ADAMTS2: variants seen among roughly 807,000 people sequenced by gnomAD.
The protein encoded by ADAMTS2 is ADAM metallopeptidase with thrombospondin type 1 motif 2, also known as A disintegrin and metalloproteinase with thrombospondin motifs 2.
In ADAMTS2, 50 loss-of-function variants were observed where a neutral mutation model predicts 123.0. That is an observed-to-expected ratio of 0.41 (90% confidence interval 0.32 to 0.51). The LOEUF is 0.51. ADAMTS2 is among the 20% of genes least tolerant of loss of function. The pLI is 0.35. For synonymous variants in ADAMTS2, 678 were observed against 695.4 expected (o/e 0.98, Z 0.39); for missense variants, 1,494 against 1,705.2 (o/e 0.88, Z 2.18).
At chr5:179,337,496 T>C (rs532289303) in intron 2 of ADAMTS2, among the ~76,000 whole-genome samples, 11 of 151,892 alleles carry the variant, frequency 7.2e-5, no homozygotes, top group Middle Eastern at 3.4e-3. Context: ...ATGCACACAC[T>C]CCCGCCATGC....
chr5:179,285,324 G>A lies in ADAMTS2; in HGVS notation c.535-12260C>T, dbSNP rs184758917. ...AGAGCACAGAGAGAAAGATAAGGGG[G>A]AAAATGGAATAAACAAGATGCCGAC... On this transcript the variant is annotated intron_variant, in intron 2 of 21. Coordinates refer to ENST00000251582, the MANE Select transcript of ADAMTS2 (RefSeq NM_014244.5). This position sits in a 1 kb window ranked among gnomAD's most constrained non-coding sequence, Gnocchi z 4.9. Among the ~76,000 whole-genome samples the A allele has an allele frequency of 3.4e-3, 525 of 152,360 alleles. No homozygotes were observed. The highest frequency in any genetic ancestry group is 5.5e-3 in the Non-Finnish European group (376 of 68,038).
In ADAMTS2 at chr5:179,189,410, T is replaced by G. The variant is rs1764248642; in HGVS notation, c.892-8255A>C. On this transcript the variant is annotated intron_variant, in intron 4 of 21. Transcript: ENST00000251582. The surrounding 1 kb of genome is among the most constrained non-coding windows in gnomAD (Gnocchi z 4.2). ...TTGCCCAGGTTGGAGTGCAGTGGCA[T>G]GATCTCAGCTCACTGCCAGCTCCAC... Among the ~76,000 whole-genome samples the G allele has an allele frequency of 6.6e-6, 1 of 150,682 alleles. No homozygotes were observed. Among genetic ancestry groups the G allele is most frequent in the Non-Finnish European group, 1.5e-5 (1 of 67,820 alleles).
rs1283464959 is a variant in ADAMTS2 at position 179,122,787 on chromosome 5, G to A, written c.2959-14C>T. 1 of 1,553,982 alleles carries A rather than the reference G, an allele frequency of 6.4e-7. No homozygotes were observed. The highest frequency in any genetic ancestry group is 1.9e-5 in the Admixed American group (1 of 51,446). ...GGTTACTGAGCACTGCAGGGGGAGAGTCGCCAGGCAGGGTTCACCTCCCAC... is the reference window on the plus strand; with the variant it reads ...GGTTACTGAGCACTGCAGGGGGAGAATCGCCAGGCAGGGTTCACCTCCCAC... On this transcript the variant is annotated splice_polypyrimidine_tract_variant and intron_variant, in intron 19 of 21. Transcript: ENST00000251582.
intron 3 of ADAMTS2, among the ~76,000 whole-genome samples, chr5:179,217,931 G>A (rs990881522): frequency 4.0e-5 from 6 of 151,358 alleles, no homozygotes; most frequent in African/African-American, 1.5e-4. Context: ...CACTCACTGA[G>A]GCACCTGCAC....
chr5:179,134,003 C>A (rs1471610690), intron 13 of ADAMTS2, among the ~76,000 whole-genome samples: 1 of 152,086 alleles, frequency 6.6e-6, no homozygotes, highest in Non-Finnish European at 1.5e-5. Flanking sequence ...TGAGCCACCA[C>A]GCCCAGCCCC....
At chr5:179,245,823 A>G (rs995127631) in intron 3 of ADAMTS2, among the ~76,000 whole-genome samples, 11 of 148,932 alleles carry the variant, frequency 7.4e-5, no homozygotes, top group Non-Finnish European at 1.3e-4. Flanking sequence ...GGGGTGGAAG[A>G]ATAGAGCTAT....
chr5:179,131,385 CAAAAT>C lies in ADAMTS2; in HGVS notation c.2290+840_2290+844del, dbSNP rs1244703629. ...GTGAGATCCTGTCTCTAAATAAAAACAAAATAAAATAAAACAAAAGGGAGATAAAA... is the reference window on the plus strand; with the variant it reads ...GTGAGATCCTGTCTCTAAATAAAAACAAAATAAAACAAAAGGGAGATAAAA... On this transcript the variant is annotated intron_variant, in intron 15 of 21. Coordinates refer to ENST00000251582, the MANE Select transcript of ADAMTS2 (RefSeq NM_014244.5). Among the ~76,000 whole-genome samples the C allele has an allele frequency of 2.4e-5, 3 of 125,100 alleles. No homozygotes were observed. In the East Asian group the frequency reaches 7.2e-4, roughly 30 times the overall value. 82.1% of individuals were successfully genotyped at this position (125,100 alleles called of 152,430 possible).
chr5:179,335,946 G>T (rs1757601312), intron 2 of ADAMTS2, among the ~76,000 whole-genome samples: 1 of 152,214 alleles, frequency 6.6e-6, no homozygotes, highest in African/African-American at 2.4e-5. Flanking sequence ...TCGTTTAGGG[G>T]TTTTCAAAGG....
rs1396782406 is a variant in ADAMTS2, at chr5:179,314,860, T to C, written c.534+28907A>G. Among the ~76,000 whole-genome samples the C allele has an allele frequency of 6.6e-6, 1 of 152,080 alleles. No homozygotes were observed. Among genetic ancestry groups the C allele is most frequent in the Non-Finnish European group, 1.5e-5 (1 of 68,004 alleles). On this transcript the variant is annotated intron_variant, in intron 2 of 21. Transcript: ENST00000251582. This position sits in a 1 kb window ranked among gnomAD's most constrained non-coding sequence, Gnocchi z 4.5. Reference sequence around the variant, plus strand: ...GCCCAACCAAGAGCTGCAAGGGACATAGGAATGTCCCTTAGCATGGCCCGG... The same window carrying C: ...GCCCAACCAAGAGCTGCAAGGGACACAGGAATGTCCCTTAGCATGGCCCGG...
intron 5 of ADAMTS2, among the ~76,000 whole-genome samples, chr5:179,177,953 ATTC>A (rs960153935): frequency 1.3e-5 from 2 of 152,292 alleles, no homozygotes; most frequent in Admixed American, 6.5e-5. Flanking sequence ...CAATTACAAA[ATTC>A]TTCTTTTTAA....
In ADAMTS2 at chr5:179,332,997, C is replaced by G. The variant is rs1008128354; in HGVS notation, c.534+10770G>C. Among the ~76,000 whole-genome samples the G allele has an allele frequency of 2.6e-5, 4 of 152,192 alleles. No homozygotes were observed. Among genetic ancestry groups the G allele is most frequent in the African/African-American group, 4.8e-5 (2 of 41,460 alleles). On this transcript the variant is annotated intron_variant, in intron 2 of 21. Transcript: ENST00000251582. The surrounding 1 kb of genome is among the most constrained non-coding windows in gnomAD (Gnocchi z 4.2). ...CTCACCCCCTTATCCTGCCCGCTTGCCTGTGAGGACCCCTCCCTACTGTGT... is the reference window on the plus strand; with the variant it reads ...CTCACCCCCTTATCCTGCCCGCTTGGCTGTGAGGACCCCTCCCTACTGTGT...
rs1764012193 is a variant in ADAMTS2, at chr5:179,180,096, C to T, written c.975+976G>A. On this transcript the variant is annotated intron_variant, in intron 5 of 21. Transcript: ENST00000251582. The surrounding 1 kb of genome is among the most constrained non-coding windows in gnomAD (Gnocchi z 4.6). ...GTGAAATGGGCAGAGTCACAGTGTGCACCCCTCCATCTGCCCTGTAGATTA... is the reference window on the plus strand; with the variant it reads ...GTGAAATGGGCAGAGTCACAGTGTGTACCCCTCCATCTGCCCTGTAGATTA... Among the ~76,000 whole-genome samples, 1 of 152,286 alleles carries T rather than the reference C, an allele frequency of 6.6e-6. No homozygotes were observed. Among genetic ancestry groups the T allele is most frequent in the African/African-American group, 2.4e-5 (1 of 41,546 alleles).
At chr5:179,239,242 A>G (rs1765604448) in intron 3 of ADAMTS2, among the ~76,000 whole-genome samples, 1 of 152,098 alleles carries the variant, frequency 6.6e-6, no homozygotes, top group African/African-American at 2.4e-5. Flanking sequence ...AACCGTGGAG[A>G]TGGTGAGAAG....
At chr5:179,177,349 G>C (rs1052203558) in intron 5 of ADAMTS2, among the ~76,000 whole-genome samples, 1 of 152,172 alleles carries the variant, frequency 6.6e-6, no homozygotes, top group African/African-American at 2.4e-5. Context: ...ATTTTTAGAA[G>C]TGAGACAGGT....
At chr5:179,135,090 C>T (rs187268861) in intron 13 of ADAMTS2, among the ~76,000 whole-genome samples, 10 of 66,036 alleles carry the variant, frequency 1.5e-4, no homozygotes, top group African/African-American at 1.7e-4. Context: ...CGGCTCCAGC[C>T]CCCAGCTCCC....
In ADAMTS2 at chr5:179,162,902, T is replaced by A. The variant is rs1022630810; in HGVS notation, c.976-4023A>T. Among the ~76,000 whole-genome samples the A allele has an allele frequency of 6.6e-6, 1 of 152,160 alleles. No homozygotes were observed. The highest frequency in any genetic ancestry group is 2.4e-5 in the African/African-American group (1 of 41,442). On this transcript the variant is annotated intron_variant, in intron 5 of 21. Transcript: ENST00000251582. This position sits in a 1 kb window ranked among gnomAD's most constrained non-coding sequence, Gnocchi z 5.1. ...ACCACAGGGACCCCAGTCAGGACACTCGCTGGCCCATGAAAGATGGCGTCT... is the reference window on the plus strand; with the variant it reads ...ACCACAGGGACCCCAGTCAGGACACACGCTGGCCCATGAAAGATGGCGTCT...
Position 179,278,247 on chromosome 5 carries a change from C to CG in ADAMTS2, c.535-5184dup, listed in dbSNP as rs1389362315. On this transcript the variant is annotated intron_variant, in intron 2 of 21. Coordinates refer to ENST00000251582, the MANE Select transcript of ADAMTS2 (RefSeq NM_014244.5). ...CCGCTGGCCAGAATAATGCTCGGGG[C>CG]GGGGGGCACTTCACGGAAGAAGTGG... 2.0e-5 allele frequency among the ~76,000 whole-genome samples: 3 copies of CG among 148,608 alleles called. No individual in the cohort carries two copies. In the East Asian group the frequency reaches 6.2e-4, roughly 31 times the overall value.
At chr5:179,241,270 C>T (rs1465394278) in intron 3 of ADAMTS2, among the ~76,000 whole-genome samples, 1 of 152,204 alleles carries the variant, frequency 6.6e-6, no homozygotes, top group African/African-American at 2.4e-5. Flanking sequence ...TGCCTGGAAG[C>T]TCCTCGGGAA....
chr5:179,232,270 G>A (rs775608145), intron 3 of ADAMTS2, among the ~76,000 whole-genome samples: 3 of 152,162 alleles, frequency 2.0e-5, no homozygotes, highest in Non-Finnish European at 2.9e-5. Context: ...GCCCAAGTGC[G>A]GCGCCATGGA....
Sources: allele counts gnomAD v4.1 joint callset (sites outside exome capture counted in the v4.1 genomes callset), GRCh38; gene constraint gnomAD v4.1.1; non-coding constraint Gnocchi (gnomAD v3.1); transcripts MANE v1.5; gene names NCBI Gene and HGNC (gene_info 2026-07-23, HGNC 2026-07-21).